Variants in SYN3 observed in about 807,000 individuals in gnomAD.
SYN3 encodes the protein synapsin III.
Under a neutral mutation model 65.8 loss-of-function variants are expected in SYN3, and 35 were observed. That is an observed-to-expected ratio of 0.53 (90% CI 0.41 to 0.70). SYN3 has a LOEUF of 0.70. Ranked by LOEUF, SYN3 falls within the 30% of genes least tolerant of loss-of-function variation. The probability of loss-of-function intolerance (pLI) is 0.00; values close to 1 mark genes in which losing one functional copy is unlikely to be tolerated. For missense variants in SYN3, 680 were observed against 749.0 expected (o/e 0.91, Z 1.08); for synonymous variants, 270 against 292.9 (o/e 0.92, Z 0.80).
chr22:32,573,118 G>GT (rs2058801810), intron 7 of SYN3, among the ~76,000 whole-genome samples: 1 of 152,160 alleles, frequency 6.6e-6, no homozygotes, highest in African/African-American at 2.4e-5. Context: ...ACATATTAGG[G>GT]TTCCCCCCTG....
At chr22:32,847,675 G>A (rs2048106809) in intron 6 of SYN3, among the ~76,000 whole-genome samples, 1 of 152,166 alleles carries the variant, frequency 6.6e-6, no homozygotes, top group Non-Finnish European at 1.5e-5. Flanking sequence ...GAAGGATAAT[G>A]GAGCTACCAA....
At chr22:33,032,027 T>C (rs1173475244) in intron 1 of SYN3, among the ~76,000 whole-genome samples, 2 of 151,886 alleles carry the variant, frequency 1.3e-5, no homozygotes, top group East Asian at 1.9e-4. Flanking sequence ...CTGGCCAACA[T>C]GGTGAAACCC....
At chr22:32,909,100 T>A (rs1046402058) in intron 4 of SYN3, among the ~76,000 whole-genome samples, 8 of 152,140 alleles carry the variant, frequency 5.3e-5, no homozygotes, top group Non-Finnish European at 1.0e-4. Context: ...CTAGGCGGCA[T>A]GCTAAACCCT....
At chr22:32,826,336 G>T (rs1281941887) in intron 6 of SYN3, among the ~76,000 whole-genome samples, 2 of 152,156 alleles carry the variant, frequency 1.3e-5, no homozygotes, top group East Asian at 3.9e-4. Flanking sequence ...GGCTGAGGCA[G>T]GAGAATCGCT....
chr22:32,872,060 A>G (rs1458378196), intron 4 of SYN3, among the ~76,000 whole-genome samples: 3 of 152,022 alleles, frequency 2.0e-5, no homozygotes, highest in African/African-American at 4.8e-5. Flanking sequence ...CAAAGCCACC[A>G]TTCTGTCTAC....
intron 6 of SYN3, among the ~76,000 whole-genome samples, chr22:32,623,741 C>G (rs2059627127): frequency 6.6e-6 from 1 of 152,178 alleles, no homozygotes; most frequent in South Asian, 2.1e-4. Flanking sequence ...AAAACTCCAT[C>G]TTCATAGGAC....
rs36110357 is a variant in SYN3 at position 32,824,162 on chromosome 22, C to T, written c.711+40753G>A. ...GTGTGGTGGCGCACATCTGAAGTCC[C>T]AGCTACTTGGGAGGCTGAGGCAGGA... On this transcript the variant is annotated intron_variant, in intron 6 of 13. Coordinates refer to ENST00000358763, the MANE Select transcript of SYN3 (RefSeq NM_003490.4). 2.4e-3 allele frequency among the ~76,000 whole-genome samples: 363 copies of T among 151,774 alleles called. 1 individual carries two copies. Among genetic ancestry groups the T allele is most frequent in the Non-Finnish European group, 4.1e-3 (277 of 67,942 alleles).
chr22:33,025,611 G>A (rs2053630177), intron 1 of SYN3, among the ~76,000 whole-genome samples: 1 of 146,228 alleles, frequency 6.8e-6, no homozygotes, highest in Admixed American at 6.9e-5. Flanking sequence ...GACAACCTGG[G>A]TGACAGAGCA....
chr22:32,873,717 A>C (rs1206248213), intron 4 of SYN3, among the ~76,000 whole-genome samples: 2 of 152,218 alleles, frequency 1.3e-5, no homozygotes, highest in East Asian at 3.8e-4. Context: ...GCTACACTGA[A>C]GTAATATAAG....
intron 12 of SYN3, among the ~76,000 whole-genome samples, chr22:32,527,320 C>G (rs1186715298): frequency 1.3e-5 from 2 of 152,218 alleles, no homozygotes; most frequent in African/African-American, 4.8e-5. Context: ...ACTTTTACCT[C>G]GCAGTAGAAA....
intron 6 of SYN3, among the ~76,000 whole-genome samples, chr22:32,677,093 C>T (rs1393434705): frequency 1.1e-4 from 16 of 152,272 alleles, no homozygotes; most frequent in East Asian, 1.9e-4. Context: ...TTGTGGCAGA[C>T]GCAATGCTAG....
At chr22:32,705,327 C>G (rs192145698) in intron 6 of SYN3, among the ~76,000 whole-genome samples, 177 of 152,230 alleles carry the variant, frequency 1.2e-3, no homozygotes, top group African/African-American at 4.1e-3. Flanking sequence ...TTCCCCATTG[C>G]TTGTTTTTGT....
At chr22:32,971,288 C>T (rs2052011333) in intron 3 of SYN3, among the ~76,000 whole-genome samples, 1 of 152,152 alleles carries the variant, frequency 6.6e-6, no homozygotes, top group South Asian at 2.1e-4. Flanking sequence ...TAGTATTCCA[C>T]CTGCTTTTTT....
intron 6 of SYN3, among the ~76,000 whole-genome samples, chr22:32,804,779 G>T (rs1478048417): frequency 6.6e-6 from 1 of 152,202 alleles, no homozygotes; most frequent in Non-Finnish European, 1.5e-5. Flanking sequence ...TAAACTACAT[G>T]CCGGCTTATA....
intron 6 of SYN3, among the ~76,000 whole-genome samples, chr22:32,764,386 C>T (rs930776670): frequency 6.6e-6 from 1 of 152,214 alleles, no homozygotes; most frequent in Non-Finnish European, 1.5e-5. Context: ...CCCCCAACCC[C>T]CAACTTCACC....
chr22:33,006,780 A>G lies in SYN3; in HGVS notation c.-118T>C, dbSNP rs1396098893. The G allele has an allele frequency of 2.9e-6, 3 of 1,020,162 alleles. No homozygotes were observed. The highest frequency in any genetic ancestry group is 4.2e-6 in the Non-Finnish European group (3 of 707,024). 63.2% of individuals were successfully genotyped at this position (1,020,162 alleles called of 1,614,324 possible). On this transcript the variant is annotated 5_prime_UTR_variant, in exon 2 of 14. Coordinates refer to ENST00000358763, the MANE Select transcript of SYN3 (RefSeq NM_003490.4). ...GACTTTAGCCAGAAGAGCCAGGGGG[A>G]TTTTGCGCAACCAGCAGTCAGCTTT...
intron 6 of SYN3, among the ~76,000 whole-genome samples, chr22:32,863,947 C>G (rs2048617139): frequency 6.6e-6 from 1 of 151,934 alleles, no homozygotes; most frequent in Non-Finnish European, 1.5e-5. Context: ...CTTCTTATCT[C>G]AACCAGCATG....
At position 32,665,489 on chromosome 22, in the gene SYN3, G is replaced by GTATA. The variant is rs130731; in HGVS notation, c.712-68757_712-68754dup. Among the ~76,000 whole-genome samples, 381 of 141,396 alleles carry GTATA rather than the reference G, an allele frequency of 2.7e-3. 1 individual carries two copies. Among genetic ancestry groups the GTATA allele is most frequent in the East Asian group, 0.016 (79 of 4,904 alleles). The allele number at this position is 141,396 out of a possible 152,430, so 92.8% of individuals were successfully genotyped here. Reference sequence around the variant, plus strand: ...GGCTGAGTAGTATGCCACAGTGTGTGTATATATATATATATATATATGTCT... The same window carrying GTATA: ...GGCTGAGTAGTATGCCACAGTGTGTGTATATATATATATATATATATATATGTCT... On this transcript the variant is annotated intron_variant, in intron 6 of 13. Transcript: ENST00000358763.
At chr22:33,028,689 T>TGGTGGTGGTG (rs1653974393) in intron 1 of SYN3, among the ~76,000 whole-genome samples, 1 of 88,504 alleles carries the variant, frequency 1.1e-5, no homozygotes, top group Non-Finnish European at 2.2e-5. Context: ...GTGGTGGTGG[T>TGGTGGTGGTG]GATGGTGGTG....
Sources: gnomAD v4.1 joint callset for allele counts (sites outside exome capture counted in the v4.1 genomes callset) on GRCh38, gnomAD v4.1.1 for gene constraint, MANE v1.5 for transcripts, NCBI Gene and HGNC (gene_info 2026-07-23, HGNC 2026-07-21) for gene names.